Variants in ENTHD1 observed in about 807,000 individuals in gnomAD.
ENTHD1 encodes ENTH domain-containing protein 1.
ENTHD1 carries 23 observed loss-of-function variants against 39.1 expected under a neutral mutation model. The ratio of observed to expected loss-of-function variants is 0.59; its 90% CI spans 0.42 to 0.83. ENTHD1 has a LOEUF of 0.83. Among genes scored for constraint, ENTHD1 ranks in the 40% least tolerant of loss-of-function variants. The pLI is 0.00. For missense variants in ENTHD1, 624 were observed against 705.4 expected (o/e 0.88, Z 1.31); for synonymous variants, 230 against 258.2 (o/e 0.89, Z 1.05).
chr22:39,762,416 A>ATT (rs113598684), intron 6 of ENTHD1, among the ~76,000 whole-genome samples: 96 of 144,914 alleles, frequency 6.6e-4, no homozygotes, highest in African/African-American at 2.4e-3. Flanking sequence ...TTTTCATTTG[A>ATT]TTTTTTTTTT....
intron 3 of ENTHD1, among the ~76,000 whole-genome samples, chr22:39,859,791 A>G (rs1294573647): frequency 1.3e-5 from 2 of 152,256 alleles, no homozygotes; most frequent in East Asian, 3.8e-4. Flanking sequence ...ACACAGACAC[A>G]AAGTATGCAC....
intron 2 of ENTHD1, among the ~76,000 whole-genome samples, chr22:39,871,502 A>G (rs1223198205): frequency 6.6e-6 from 1 of 152,202 alleles, no homozygotes; most frequent in Admixed American, 6.5e-5. Context: ...GGTTGGCTTT[A>G]ATTTCTTTGA....
chr22:39,860,715 A>G (rs1042407781), intron 3 of ENTHD1, among the ~76,000 whole-genome samples: 1 of 152,234 alleles, frequency 6.6e-6, no homozygotes, highest in African/African-American at 2.4e-5. Flanking sequence ...TGTACTGAAT[A>G]CAAAGGGACA....
At chr22:39,745,637 A>G (rs774129048) in intron 6 of ENTHD1, among the ~76,000 whole-genome samples, 2 of 152,266 alleles carry the variant, frequency 1.3e-5, no homozygotes, top group Non-Finnish European at 2.9e-5. Context: ...AAGAACAGTT[A>G]GGAATCTAGG....
chr22:39,848,853 A>C (rs915683682), intron 3 of ENTHD1, among the ~76,000 whole-genome samples: 1 of 152,164 alleles, frequency 6.6e-6, no homozygotes. Flanking sequence ...TAAACGTTTC[A>C]AAGTTTTGCC....
At position 39,879,687 on chromosome 22, in the gene ENTHD1, T is replaced by C. The variant is rs112784185; in HGVS notation, c.349+7713A>G. Among the ~76,000 whole-genome samples, 803 of 152,056 alleles carry C rather than the reference T, an allele frequency of 5.3e-3. 9 individuals carry two copies. The highest frequency in any genetic ancestry group is 0.018 in the African/African-American group (739 of 41,464). ...CATTATTGCTGGTGGGAATGCAAAA[T>C]GGGGCTGCCACTTTAAAAGACAGTT... On this transcript the variant is annotated intron_variant, in intron 2 of 6. Transcript: ENST00000325157.
intron 4 of ENTHD1, among the ~76,000 whole-genome samples, chr22:39,828,328 C>T (rs1321370725): frequency 6.6e-6 from 1 of 151,912 alleles, no homozygotes; most frequent in Non-Finnish European, 1.5e-5. Flanking sequence ...AACAAGAGTA[C>T]AAGCATGAAA....
At chr22:39,875,460 G>T in intron 2 of ENTHD1, 1 of 1,534,748 alleles carries the variant, frequency 6.5e-7, no homozygotes, top group Non-Finnish European at 8.7e-7. Flanking sequence ...TCGCTGAGCG[G>T]CCAGGCCGTG....
chr22:39,884,143 A>G lies in ENTHD1; in HGVS notation c.349+3257T>C, dbSNP rs975692921. 3.3e-5 allele frequency among the ~76,000 whole-genome samples: 5 copies of G among 152,116 alleles called. No individual in the cohort carries two copies. The East Asian group carries it at 9.6e-4, about 29-fold the overall frequency. ...TACCCCAAATTGATCTACAGATTCA[A>G]TGTAAGCCCATCAAAATTCTAGCCA... is the stretch of plus-strand genomic sequence containing the variant. On this transcript the variant is annotated intron_variant, in intron 2 of 6. Transcript: ENST00000325157.
chr22:39,764,152 G>A (rs915430568), intron 6 of ENTHD1, among the ~76,000 whole-genome samples: 2 of 152,046 alleles, frequency 1.3e-5, no homozygotes, highest in African/African-American at 4.8e-5. Flanking sequence ...TTTGATCTGG[G>A]TTTGAGTCTG....
At chr22:39,893,062 C>T (rs1199165324) in intron 1 of ENTHD1, among the ~76,000 whole-genome samples, 1 of 152,166 alleles carries the variant, frequency 6.6e-6, no homozygotes, top group East Asian at 1.9e-4. Context: ...TAAACAGCTA[C>T]TCTTCATTGA....
intron 3 of ENTHD1, among the ~76,000 whole-genome samples, chr22:39,852,873 C>A (rs1167518971): frequency 1.3e-5 from 2 of 152,082 alleles, no homozygotes; most frequent in Non-Finnish European, 2.9e-5. Context: ...GGTACAGATA[C>A]AAATTATTTT....
chr22:39,760,714 C>T (rs1216722064), intron 6 of ENTHD1, among the ~76,000 whole-genome samples: 1 of 151,894 alleles, frequency 6.6e-6, no homozygotes, highest in Non-Finnish European at 1.5e-5. Flanking sequence ...TTGTGTTGAT[C>T]GAATATATTT....
At chr22:39,818,198 G>A (rs976685624) in intron 5 of ENTHD1, among the ~76,000 whole-genome samples, 6 of 152,188 alleles carry the variant, frequency 3.9e-5, no homozygotes, top group Admixed American at 1.3e-4. Context: ...AAGACCACAT[G>A]AAGAGGCTCA....
At chr22:39,890,150 A>ATAAG (rs970971583) in intron 1 of ENTHD1, among the ~76,000 whole-genome samples, 7 of 148,146 alleles carry the variant, frequency 4.7e-5, no homozygotes, top group Non-Finnish European at 9.0e-5. Context: ...AAATAAATAA[A>ATAAG]AAAGAAAATG....
intron 6 of ENTHD1, among the ~76,000 whole-genome samples, chr22:39,763,062 G>A (rs1253921797): frequency 1.3e-5 from 2 of 152,138 alleles, no homozygotes; most frequent in Non-Finnish European, 2.9e-5. Context: ...TTTGCTCTAG[G>A]TGAAATAGGT....
intron 5 of ENTHD1, among the ~76,000 whole-genome samples, chr22:39,813,745 G>A (rs1026914596): frequency 6.6e-6 from 1 of 152,130 alleles, no homozygotes; most frequent in Non-Finnish European, 1.5e-5. Flanking sequence ...CACAGTGTAT[G>A]GCTTGAAAAT....
intron 6 of ENTHD1, among the ~76,000 whole-genome samples, chr22:39,757,094 G>A (rs757545267): frequency 6.6e-6 from 1 of 151,574 alleles, no homozygotes; most frequent in Non-Finnish European, 1.5e-5. Context: ...ACAATACTGA[G>A]TCTTCCAATC....
intron 5 of ENTHD1, among the ~76,000 whole-genome samples, chr22:39,807,212 A>G (rs2065649149): frequency 6.6e-6 from 1 of 152,088 alleles, no homozygotes; most frequent in South Asian, 2.1e-4. Context: ...ATTCACAGTC[A>G]TCTTCCTACA....
Sources: allele counts gnomAD v4.1 joint callset (sites outside exome capture counted in the v4.1 genomes callset), GRCh38; gene constraint gnomAD v4.1.1; transcripts MANE v1.5; gene names NCBI Gene and HGNC (gene_info 2026-07-23, HGNC 2026-07-21).